RPS6KC1: variants seen among roughly 807,000 people sequenced by gnomAD.
RPS6KC1 encodes the protein inactive ribosomal protein S6 kinase delta-1.
In RPS6KC1, 54 loss-of-function variants were observed where a neutral mutation model predicts 103.8. That is an observed-to-expected ratio of 0.52 (90% CI 0.42 to 0.65). The LOEUF is 0.65. Ranked by LOEUF, RPS6KC1 falls within the 30% of genes least tolerant of loss-of-function variation. RPS6KC1 has a pLI of 0.00. For synonymous variants in RPS6KC1, 439 were observed against 438.7 expected (o/e 1.00, Z -0.01); for missense variants, 1,151 against 1,253.8 (o/e 0.92, Z 1.24).
chr1:213,421,178 C>T, the RPS6KC1 span, among the ~76,000 whole-genome samples: 63 of 150,038 alleles, frequency 4.2e-4, no homozygotes, highest in East Asian at 9.3e-3. Context: ...GGTGTGATCT[C>T]GGCTCACACT....
chr1:213,516,568 C>T, the RPS6KC1 span, among the ~76,000 whole-genome samples: 2 of 152,144 alleles, frequency 1.3e-5, no homozygotes, highest in Non-Finnish European at 2.9e-5. Flanking sequence ...CCTTGCATCC[C>T]AGGGATGAAG....
At chr1:213,264,091 G>A (rs1163125451) in intron 14 of RPS6KC1, among the ~76,000 whole-genome samples, 2 of 152,088 alleles carry the variant, frequency 1.3e-5, no homozygotes, top group African/African-American at 4.8e-5. Flanking sequence ...ATAAGTTGGG[G>A]TTTTCTTATG....
chr1:213,520,831 T>C, the RPS6KC1 span, among the ~76,000 whole-genome samples: 2 of 152,190 alleles, frequency 1.3e-5, no homozygotes, highest in African/African-American at 4.8e-5. Flanking sequence ...AAACAAAATA[T>C]AACAAACATT....
At chr1:213,447,853 T>C in the RPS6KC1 span, among the ~76,000 whole-genome samples, 215 of 152,342 alleles carry the variant, frequency 1.4e-3, no homozygotes, top group African/African-American at 5.0e-3. Context: ...ATTCTTTGAA[T>C]CTAACAGTTG....
intron 6 of RPS6KC1, among the ~76,000 whole-genome samples, chr1:213,138,146 A>T (rs914253832): frequency 6.6e-6 from 1 of 152,088 alleles, no homozygotes; most frequent in African/African-American, 2.4e-5. Context: ...CAACTTTTGT[A>T]TGCCTAAAAT....
chr1:213,502,907 G>C, the RPS6KC1 span, among the ~76,000 whole-genome samples: 1 of 148,426 alleles, frequency 6.7e-6, no homozygotes, highest in African/African-American at 2.4e-5. Flanking sequence ...AAAAAGTATG[G>C]GTTGAAACTG....
At chr1:213,389,547 G>A in the RPS6KC1 span, among the ~76,000 whole-genome samples, 3 of 152,210 alleles carry the variant, frequency 2.0e-5, no homozygotes, top group African/African-American at 4.8e-5. Context: ...GTCTGCATCC[G>A]CGTGCACACT....
chr1:213,165,812 C>T (rs1489060682), intron 6 of RPS6KC1, among the ~76,000 whole-genome samples: 4 of 152,212 alleles, frequency 2.6e-5, no homozygotes, highest in Non-Finnish European at 5.9e-5. Context: ...CTGCCTCAGC[C>T]TCCCAAAGTG....
the RPS6KC1 span, among the ~76,000 whole-genome samples, chr1:213,750,242 G>A: frequency 1.3e-5 from 2 of 152,204 alleles, no homozygotes; most frequent in African/African-American, 4.8e-5. Flanking sequence ...TCCAGCCCCT[G>A]AAGGGCAATG....
the RPS6KC1 span, among the ~76,000 whole-genome samples, chr1:213,679,383 G>A: frequency 6.6e-6 from 1 of 152,192 alleles, no homozygotes; most frequent in Non-Finnish European, 1.5e-5. Flanking sequence ...GTCAGGCTGC[G>A]TGCTAAGTGG....
At chr1:213,408,924 G>A in the RPS6KC1 span, among the ~76,000 whole-genome samples, 25 of 152,266 alleles carry the variant, frequency 1.6e-4, 2 homozygotes, top group Admixed American at 9.2e-4. Context: ...GAGAACTATC[G>A]CATCTCTTTT....
At chr1:213,058,168 C>T (rs1253281095) in intron 1 of RPS6KC1, among the ~76,000 whole-genome samples, 2 of 150,154 alleles carry the variant, frequency 1.3e-5, no homozygotes, top group African/African-American at 4.9e-5. Flanking sequence ...CAGCCTCGAC[C>T]TCCTAGGCTG....
At chr1:213,113,514 G>A (rs1370477275) in intron 4 of RPS6KC1, among the ~76,000 whole-genome samples, 1 of 150,336 alleles carries the variant, frequency 6.7e-6, no homozygotes, top group East Asian at 1.9e-4. Flanking sequence ...TAGGTTGCCT[G>A]TTCACTCTGA....
At chr1:213,803,598 TCAGAGTGGTC>T in the RPS6KC1 span, among the ~76,000 whole-genome samples, 3 of 152,208 alleles carry the variant, frequency 2.0e-5, no homozygotes, top group South Asian at 4.1e-4. Context: ...CTTCTGCGTT[TCAGAGTGGTC>T]CAGAGTGGTC....
intron 1 of RPS6KC1, among the ~76,000 whole-genome samples, chr1:213,053,455 T>TTAGATCCAGGCAC (rs2077100543): frequency 3.9e-5 from 6 of 152,226 alleles, no homozygotes; most frequent in Admixed American, 3.9e-4. Context: ...CAATAAATGT[T>TTAGATCCAGGCAC]TAGATCCAGG....
the RPS6KC1 span, among the ~76,000 whole-genome samples, chr1:213,807,847 G>T: frequency 2.0e-5 from 3 of 152,164 alleles, no homozygotes; most frequent in African/African-American, 7.2e-5. Flanking sequence ...AGGAGAAGAG[G>T]TGCTCTGCTT....
the RPS6KC1 span, among the ~76,000 whole-genome samples, chr1:213,438,922 T>C: frequency 2.0e-5 from 3 of 151,618 alleles, no homozygotes; most frequent in African/African-American, 7.3e-5. Context: ...GCCTCCCGAG[T>C]AGCTGGGACT....
intron 12 of RPS6KC1, among the ~76,000 whole-genome samples, chr1:213,254,092 G>A (rs565574807): frequency 5.5e-4 from 84 of 152,212 alleles, no homozygotes; most frequent in Middle Eastern, 3.4e-3. Flanking sequence ...GTAAAGCAAA[G>A]GTAGGCAAAG....
chr1:213,214,012 A>T (rs948685262), intron 8 of RPS6KC1, among the ~76,000 whole-genome samples: 10 of 152,190 alleles, frequency 6.6e-5, no homozygotes, highest in Non-Finnish European at 1.5e-4. Flanking sequence ...CTCACTGGGG[A>T]TTGTCGGACA....
Sources: allele counts gnomAD v4.1 joint callset (sites outside exome capture counted in the v4.1 genomes callset), GRCh38; gene constraint gnomAD v4.1.1; transcripts MANE v1.5; gene names NCBI Gene and HGNC (gene_info 2026-07-23, HGNC 2026-07-21).